The following PIK3C2G variants were observed in gnomAD, a reference collection of about 807,000 sequenced individuals.
The protein encoded by PIK3C2G is phosphatidylinositol 3-kinase C2 domain-containing subunit gamma.
A neutral mutation model predicts 181.1 loss-of-function variants in PIK3C2G; 168 were observed. The ratio of observed to expected loss-of-function variants is 0.93; its 90% confidence interval spans 0.82 to 1.05. The LOEUF is 1.05. Ranked by LOEUF, PIK3C2G falls within the 50% of genes least tolerant of loss-of-function variation. The pLI is 0.00. For missense variants in PIK3C2G, 1,869 were observed against 1,732.8 expected (o/e 1.08, Z -1.40); for synonymous variants, 573 against 592.2 (o/e 0.97, Z 0.47).
intron 15 of PIK3C2G, among the ~76,000 whole-genome samples, chr12:18,397,643 G>T (rs915271424): frequency 3.3e-5 from 5 of 152,002 alleles, no homozygotes; most frequent in African/African-American, 1.2e-4. Flanking sequence ...CAAGAATGTG[G>T]TACAAATGGA....
chr12:18,372,195 ATGTG>A lies in PIK3C2G; in HGVS notation c.1880+901_1880+904del, dbSNP rs371668925. ...ATTAATTCTGATGTAAGCTGTGTGT[ATGTG>A]TGTGTGTGTGTGTGTGGGCACGTGT... On this transcript the variant is annotated intron_variant, in intron 13 of 32. Coordinates refer to ENST00000538779, the MANE Select transcript of PIK3C2G (RefSeq NM_001288772.2). Among the ~76,000 whole-genome samples the A allele has an allele frequency of 3.4e-5, 5 of 148,484 alleles. No individual in the cohort carries two copies. In the South Asian group the frequency reaches 8.6e-4, roughly 25 times the overall value.
In PIK3C2G at chr12:18,505,310, T is replaced by C. The variant is rs200226228; in HGVS notation, c.3172T>C (p.Tyr1058His). 5.1e-5 allele frequency: 82 copies of C among 1,601,024 alleles called. No homozygotes were observed. The African/African-American group carries it at 1.0e-3, about 20-fold the overall frequency. Residue 1058 changes from tyrosine (Y) to histidine (H), a missense_variant, in exon 24 of 33, where the codon TAC (tyrosine) becomes CAC (histidine). Coordinates refer to ENST00000538779, the MANE Select transcript of PIK3C2G (RefSeq NM_001288772.2). ...DYEKALRNFF[Y>H]SCAGWCVVTF... ...GAATTAGGCCTTGAGGAACTTTTTCTACTCCTGTGCTGGCTGGTGTGTGGT... is the reference window on the plus strand; with the variant it reads ...GAATTAGGCCTTGAGGAACTTTTTCCACTCCTGTGCTGGCTGGTGTGTGGT...
chr12:18,663,218 T>C, the PIK3C2G span, among the ~76,000 whole-genome samples: 1 of 152,102 alleles, frequency 6.6e-6, no homozygotes, highest in Non-Finnish European at 1.5e-5. Flanking sequence ...CTGGATACTC[T>C]ATCCAGAGCA....
rs751395245 is a variant in PIK3C2G at position 18,310,442 on chromosome 12, T to C, written c.1035-3520T>C. Among the ~76,000 whole-genome samples, 39 of 151,916 alleles carry C rather than the reference T, an allele frequency of 2.6e-4. 1 individual carries two copies. Among genetic ancestry groups the C allele is most frequent in the Non-Finnish European group, 1.5e-4 (10 of 67,824 alleles). On this transcript the variant is annotated intron_variant, in intron 5 of 32. Transcript: ENST00000538779. ...CTTTAACTTTTTTAATCAACTAATC[T>C]ACTACTTTTTATATTTCATCAAGTA...
intron 1 of PIK3C2G, among the ~76,000 whole-genome samples, chr12:18,255,063 T>C (rs1268445534): frequency 6.6e-6 from 1 of 151,476 alleles, no homozygotes; most frequent in Non-Finnish European, 1.5e-5. Context: ...ACCCCGTCTG[T>C]ACTAAAAGTA....
intron 16 of PIK3C2G, among the ~76,000 whole-genome samples, chr12:18,419,881 T>C (rs926915744): frequency 3.3e-5 from 5 of 152,156 alleles, no homozygotes; most frequent in African/African-American, 1.2e-4. Flanking sequence ...ATAGTTCCCA[T>C]TTAACCCTTC....
intron 8 of PIK3C2G, among the ~76,000 whole-genome samples, chr12:18,334,386 T>C (rs1343325661): frequency 6.6e-6 from 1 of 152,160 alleles, no homozygotes; most frequent in Non-Finnish European, 1.5e-5. Flanking sequence ...ATAAATCTAA[T>C]CCTCTTTTTA....
chr12:18,474,581 G>C (rs961516565), intron 18 of PIK3C2G, among the ~76,000 whole-genome samples: 8 of 151,928 alleles, frequency 5.3e-5, no homozygotes, highest in Non-Finnish European at 1.0e-4. Context: ...AATTAGAAAA[G>C]CACTACAATA....
rs1381525911 is a variant in PIK3C2G, at chr12:18,503,378, G to A, written c.3114G>A (p.Trp1038Ter). The change falls in exon 23 of 33, where the codon TGG becomes TGA. Residue 1038 changes from tryptophan (W) to a stop codon, truncating the protein, a stop_gained. Transcript: ENST00000538779. LOFTEE classifies it high-confidence loss of function. ...GPLKENTIKK[W>*]FSQHNHLKAD... ...TGAAAGAAAATACAATTAAAAAGTG[G>A]TTCAGTCAGCACAACCACTTAAAGG... 6.2e-7 allele frequency: 1 copy of A among 1,611,386 alleles called. No individual in the cohort carries two copies. Among genetic ancestry groups the A allele is most frequent in the Non-Finnish European group, 8.5e-7 (1 of 1,178,526 alleles).
chr12:18,637,195 C>T (rs752583628), intron 31 of PIK3C2G, among the ~76,000 whole-genome samples: 8 of 152,084 alleles, frequency 5.3e-5, no homozygotes, highest in Admixed American at 1.3e-4. Flanking sequence ...CAGTTTTCCT[C>T]GTAAAAACCC....
At chr12:18,582,114 A>G (rs923779929) in intron 29 of PIK3C2G, among the ~76,000 whole-genome samples, 3 of 152,184 alleles carry the variant, frequency 2.0e-5, no homozygotes, top group African/African-American at 4.8e-5. Flanking sequence ...GCTGGACAGG[A>G]TGGCCAGCTA....
At chr12:18,260,892 C>T (rs1190970981), upstream of PIK3C2G, among the ~76,000 whole-genome samples, 3 of 151,984 alleles carry the variant, frequency 2.0e-5, no homozygotes, top group Admixed American at 6.6e-5. Flanking sequence ...TATACCAAAA[C>T]AATAAACCAC....
intron 26 of PIK3C2G, among the ~76,000 whole-genome samples, chr12:18,559,572 A>T (rs1945186329): frequency 6.6e-6 from 1 of 151,500 alleles, no homozygotes; most frequent in Non-Finnish European, 1.5e-5. Flanking sequence ...TGTGGCAAAT[A>T]TAAAAATATT....
intron 13 of PIK3C2G, among the ~76,000 whole-genome samples, chr12:18,372,977 T>C (rs945354085): frequency 6.6e-6 from 1 of 152,078 alleles, no homozygotes; most frequent in Non-Finnish European, 1.5e-5. Context: ...AAAACACAAC[T>C]CACTTCAACA....
chr12:18,410,673 A>G (rs1467504037), intron 16 of PIK3C2G, among the ~76,000 whole-genome samples: 1 of 152,188 alleles, frequency 6.6e-6, no homozygotes, highest in Non-Finnish European at 1.5e-5. Flanking sequence ...AGTGAAAGAT[A>G]TAGATGAATT....
chr12:18,428,248 T>C (rs1945950415), intron 18 of PIK3C2G, among the ~76,000 whole-genome samples: 1 of 151,710 alleles, frequency 6.6e-6, no homozygotes, highest in Admixed American at 6.6e-5. Context: ...AAAATGTTTG[T>C]GTTAAAACTT....
intron 18 of PIK3C2G, among the ~76,000 whole-genome samples, chr12:18,482,382 A>G (rs998398986): frequency 3.3e-5 from 5 of 152,142 alleles, no homozygotes; most frequent in African/African-American, 1.2e-4. Context: ...ACCAAGGCCC[A>G]CTGTGGGTTC....
chr12:18,401,395 G>T (rs2138138294), intron 16 of PIK3C2G, among the ~76,000 whole-genome samples: 1 of 152,168 alleles, frequency 6.6e-6, no homozygotes, highest in African/African-American at 2.4e-5. Flanking sequence ...TTGGAAAAAA[G>T]GTCTCATTCC....
At chr12:18,710,015 C>A in the PIK3C2G span, among the ~76,000 whole-genome samples, 1 of 151,740 alleles carries the variant, frequency 6.6e-6, no homozygotes, top group Non-Finnish European at 1.5e-5. Flanking sequence ...TGTTCTGCAA[C>A]TTTACTGAAT....
Sources: allele counts gnomAD v4.1 joint callset (sites outside exome capture counted in the v4.1 genomes callset), GRCh38; gene constraint gnomAD v4.1.1; transcripts MANE v1.5; gene names NCBI Gene and HGNC (gene_info 2026-07-23, HGNC 2026-07-21).